Variants in ANKEF1 observed in about 807,000 individuals in gnomAD.
ANKEF1 encodes the protein ankyrin repeat and EF-hand domain containing 1.
A neutral mutation model predicts 65.1 loss-of-function variants in ANKEF1; 43 were observed. The ratio of observed to expected loss-of-function variants is 0.66; its 90% CI spans 0.52 to 0.85. The LOEUF is 0.85. Among genes scored for constraint, ANKEF1 ranks in the 40% least tolerant of loss-of-function variants. ANKEF1 has a pLI of 0.00. For synonymous variants in ANKEF1, 316 were observed against 341.5 expected, an observed-to-expected ratio of 0.93 and a Z score of 0.82; for missense variants, 934 against 952.9, an observed-to-expected ratio of 0.98 and a Z score of 0.26.
In ANKEF1 at chr20:10,049,459, A is replaced by G; in HGVS notation, c.890A>G (p.Lys297Arg). Residue 297 changes from lysine (K) to arginine (R), a missense_variant, in exon 7 of 11, where the codon AAA becomes AGA. Coordinates refer to ENST00000378392, the MANE Select transcript of ANKEF1 (RefSeq NM_022096.6). ...PRAVAKEGGF[K>R]AASKEIRRAE... ...GCTGTGGCTAAGGAAGGCGGCTTCA[A>G]AGCAGCAAGCAAAGAAATACGCCGA... The G allele has an allele frequency of 6.2e-7, 1 of 1,614,214 alleles. No homozygotes were observed. The highest frequency in any genetic ancestry group is 8.5e-7 in the Non-Finnish European group (1 of 1,180,014).
chr20:10,050,230 G>C lies in ANKEF1; in HGVS notation c.1643+18G>C, dbSNP rs1434360650. ...GAAAAAGGGTACGCGTCTCCGTCGG[G>C]TGTGGCCTAAATTTTCACGAGTCTT... On this transcript the variant is annotated intron_variant, in intron 7 of 10. Transcript: ENST00000378392. The C allele has an allele frequency of 6.4e-7, 1 of 1,561,880 alleles. No homozygotes were observed. Among genetic ancestry groups the C allele is most frequent in the Non-Finnish European group, 8.7e-7 (1 of 1,155,516 alleles).
In ANKEF1 at chr20:10,049,922, A is replaced by G. The variant is rs962918481; in HGVS notation, c.1353A>G (p.Pro451=). The change falls in exon 7 of 11, where the codon CCA becomes CCG. Residue 451 remains proline, a synonymous_variant. Coordinates refer to ENST00000378392, the MANE Select transcript of ANKEF1 (RefSeq NM_022096.6). ...YAFPRRQDGG[P]PYYMIETYKN... ...TTCCACGCCGGCAGGATGGTGGGCC[A>G]CCGTATTACATGATTGAGACCTACA... The G allele has an allele frequency of 2.5e-6, 4 of 1,614,212 alleles. No individual in the cohort carries two copies. Among genetic ancestry groups the G allele is most frequent in the Non-Finnish European group, 3.4e-6 (4 of 1,180,024 alleles).
At position 10,054,457 on chromosome 20, in the gene ANKEF1, T is replaced by C; in HGVS notation, c.2035-5T>C. The C allele has an allele frequency of 6.5e-7, 1 of 1,529,958 alleles. No individual in the cohort carries two copies. Among genetic ancestry groups the C allele is most frequent in the Non-Finnish European group, 8.7e-7 (1 of 1,146,062 alleles). 94.8% of individuals were successfully genotyped at this position (1,529,958 alleles called of 1,614,324 possible). A position where few individuals can be genotyped will look rare whatever the true frequency, so the allele number is the denominator to read the frequency against. ...AATTTATAATTTTTTTGTTCTTGTTTCCAGGAACTGCTGTCATCAATTTAT... is the reference window on the plus strand; with the variant it reads ...AATTTATAATTTTTTTGTTCTTGTTCCCAGGAACTGCTGTCATCAATTTAT... On this transcript the variant is annotated splice_polypyrimidine_tract_variant and splice_region_variant and intron_variant, in intron 9 of 10. Transcript: ENST00000378392.
intron 8 of ANKEF1, among the ~76,000 whole-genome samples, chr20:10,052,452 C>A (rs1380110256): frequency 6.6e-6 from 1 of 152,178 alleles, no homozygotes; most frequent in Non-Finnish European, 1.5e-5. Context: ...AGTAAACACA[C>A]AACCTACCTT....
chr20:10,042,478 A>G (rs1984247459), intron 3 of ANKEF1, among the ~76,000 whole-genome samples: 1 of 152,156 alleles, frequency 6.6e-6, no homozygotes, highest in African/African-American at 2.4e-5. Flanking sequence ...CCCTGGGTTT[A>G]TAACAGTAAC....
intron 2 of ANKEF1, among the ~76,000 whole-genome samples, chr20:10,036,579 C>G (rs749689116): frequency 1.3e-5 from 2 of 152,192 alleles, no homozygotes; most frequent in Non-Finnish European, 2.9e-5. Context: ...CGGTGGCTCA[C>G]GCCTGTAGTC....
chr20:10,035,074 G>A lies in ANKEF1; in HGVS notation c.-368G>A. ...CCCCGCCCCCTGCGCTCACCTGCCC[G>A]CGCGCTCGCCTTCCGGGGACCCGGG... On this transcript the variant is annotated 5_prime_UTR_variant, in exon 1 of 11. Transcript: ENST00000378392. The A allele has an allele frequency of 6.5e-6, 1 of 154,124 alleles. No homozygotes were observed. The highest frequency in any genetic ancestry group is 1.4e-5 in the Non-Finnish European group (1 of 69,550). 9.5% of individuals were successfully genotyped at this position (154,124 alleles called of 1,614,324 possible).
intron 5 of ANKEF1, among the ~76,000 whole-genome samples, 155 bp downstream of exon 5, chr20:10,044,698 TTA>T (rs1178944641): frequency 2.6e-5 from 4 of 152,210 alleles, no homozygotes; most frequent in African/African-American, 9.6e-5. Context: ...AATTCTAAAA[TTA>T]TATTTTTAAA....
chr20:10,058,059 A>C lies in ANKEF1; in HGVS notation c.*2399A>C, dbSNP rs1251578651. On this transcript the variant is annotated 3_prime_UTR_variant, in exon 11 of 11. Transcript: ENST00000378392. ...GATGTCATTGCACCCTTCTCAGTACATCATATCAGGAGGCACATGATGTTG... is the reference window on the plus strand; with the variant it reads ...GATGTCATTGCACCCTTCTCAGTACCTCATATCAGGAGGCACATGATGTTG... The C allele has an allele frequency of 6.6e-6, 1 of 152,198 alleles. No homozygotes were observed. Among genetic ancestry groups the C allele is most frequent in the Non-Finnish European group, 1.5e-5 (1 of 68,026 alleles). 9.4% of individuals were successfully genotyped at this position (152,198 alleles called of 1,614,324 possible).
rs1179644097 is a variant in ANKEF1, at chr20:10,055,512, C to T, written c.2183C>T (p.Pro728Leu). The T allele has an allele frequency of 1.2e-6, 2 of 1,613,402 alleles. No individual in the cohort carries two copies. The highest frequency in any genetic ancestry group is 1.7e-6 in the Non-Finnish European group (2 of 1,179,660). ...ITFIPRRIWS[P>L]EATTAELIRK... is the part of the protein sequence containing the mutation. Reference sequence around the variant, plus strand: ...ATTTTTCTTTTTAAGATTTGGAGTCCTGAAGCCACAACAGCAGAGCTGATC... The same window carrying T: ...ATTTTTCTTTTTAAGATTTGGAGTCTTGAAGCCACAACAGCAGAGCTGATC... Residue 728 changes from proline (P) to leucine (L), a missense_variant, in exon 11 of 11, where the codon CCT becomes CTT. Coordinates refer to ENST00000378392, the MANE Select transcript of ANKEF1 (RefSeq NM_022096.6).
Position 10,038,377 on chromosome 20 carries a change from A to G in ANKEF1, c.76A>G (p.Lys26Glu). The G allele has an allele frequency of 6.2e-7, 1 of 1,613,648 alleles. No homozygotes were observed. Among genetic ancestry groups the G allele is most frequent in the Non-Finnish European group, 8.5e-7 (1 of 1,179,602 alleles). Residue 26 changes from lysine (K) to glutamate (E), a missense_variant, in exon 3 of 11, where the codon AAG becomes GAG. Physicochemically the swap from Lys to Glu is moderately conservative, Grantham distance 56. Transcript: ENST00000378392. ...VLQCVRNKDK[K>E]QIEKLTKLGY... Reference sequence around the variant, plus strand: ...TCAATGTGTGCGGAACAAAGACAAGAAGCAGATAGAGAAGCTGACCAAGCT... The same window carrying G: ...TCAATGTGTGCGGAACAAAGACAAGGAGCAGATAGAGAAGCTGACCAAGCT...
chr20:10,052,985 A>C (rs969928132), intron 8 of ANKEF1, 127 bp from the exon 9 acceptor site: 5 of 880,240 alleles, frequency 5.7e-6, no homozygotes, highest in Non-Finnish European at 8.4e-6. Context: ...TTCTGTATAT[A>C]TACCCCTTGC....
At position 10,038,022 on chromosome 20, in the gene ANKEF1, A is replaced by G. The variant is rs115991176; in HGVS notation, c.-44-236A>G. Among the ~76,000 whole-genome samples, 471 of 152,304 alleles carry G rather than the reference A, an allele frequency of 3.1e-3. 3 individuals carry two copies. The highest frequency in any genetic ancestry group is 0.011 in the African/African-American group (451 of 41,552). On this transcript the variant is annotated intron_variant, in intron 2 of 10. Transcript: ENST00000378392. ...AAAGTGTGATGAGGAGGGAAGGTTAAATGGATAATAAGAAAACCACCTGGC... is the reference window on the plus strand; with the variant it reads ...AAAGTGTGATGAGGAGGGAAGGTTAGATGGATAATAAGAAAACCACCTGGC...
intron 2 of ANKEF1, among the ~76,000 whole-genome samples, chr20:10,036,112 G>A (rs1437703710): frequency 6.6e-6 from 1 of 152,204 alleles, no homozygotes; most frequent in Non-Finnish European, 1.5e-5. Flanking sequence ...GATTGTGAAG[G>A]ACACTATACA....
At chr20:10,044,617 T>A in intron 5 of ANKEF1, 74 bp downstream of exon 5, 1 of 1,502,780 alleles carries the variant, frequency 6.7e-7, no homozygotes, top group Non-Finnish European at 9.1e-7. Flanking sequence ...TTTTTATATG[T>A]CATATAGAGT....
Position 10,053,027 on chromosome 20 carries a change from G to C in ANKEF1, c.1871-85G>C, listed in dbSNP as rs1984953834. 5.0e-6 allele frequency: 7 copies of C among 1,393,596 alleles called. No individual in the cohort carries two copies. In the South Asian group the frequency reaches 9.0e-5, roughly 18 times the overall value. 86.3% of individuals were successfully genotyped at this position (1,393,596 alleles called of 1,614,324 possible). A position where few individuals can be genotyped will look rare whatever the true frequency, so the allele number is the denominator to read the frequency against. ...AATCACCCTTATTAGGGCAGGCTTA[G>C]AGCTGATGTGCTGAGATATTTTTCT... On this transcript the variant is annotated intron_variant, in intron 8 of 10. Coordinates refer to ENST00000378392, the MANE Select transcript of ANKEF1 (RefSeq NM_022096.6).
intron 8 of ANKEF1, among the ~76,000 whole-genome samples, chr20:10,052,724 C>T (rs981177146): frequency 2.0e-5 from 3 of 152,148 alleles, no homozygotes; most frequent in African/African-American, 7.2e-5. Flanking sequence ...TTGGAATTTA[C>T]CTCCTTACAT....
chr20:10,039,788 T>C (rs1167485226), intron 3 of ANKEF1, among the ~76,000 whole-genome samples: 1 of 152,216 alleles, frequency 6.6e-6, no homozygotes, highest in Non-Finnish European at 1.5e-5. Context: ...TAGGCATTTA[T>C]CTTTCACATT....
Position 10,038,545 on chromosome 20 carries a change from T to C in ANKEF1, c.244T>C (p.Cys82Arg). ...CCCTGATGTGCAAGACCGAATGGGCTGTACTCCCACAATGAGGGCTGCAGA... is the reference window on the plus strand; with the variant it reads ...CCCTGATGTGCAAGACCGAATGGGCCGTACTCCCACAATGAGGGCTGCAGA... ...AHPDVQDRMG[C>R]TPTMRAAELG... The change falls in exon 3 of 11, where the codon TGT becomes CGT. Residue 82 changes from cysteine to arginine, a missense_variant. Cys to Arg is a radical substitution (Grantham distance 180). Transcript: ENST00000378392. 6.2e-7 allele frequency: 1 copy of C among 1,614,242 alleles called. No homozygotes were observed. Among genetic ancestry groups the C allele is most frequent in the Non-Finnish European group, 8.5e-7 (1 of 1,180,044 alleles).
Sources: gnomAD v4.1 joint callset for allele counts (sites outside exome capture counted in the v4.1 genomes callset) on GRCh38, gnomAD v4.1.1 for gene constraint, MANE v1.5 for transcripts, NCBI Gene and HGNC (gene_info 2026-07-23, HGNC 2026-07-21) for gene names.